TBC1D2B: variants seen among roughly 807,000 people sequenced by gnomAD.
The protein encoded by TBC1D2B is TBC1 domain family member 2B.
A neutral mutation model predicts 100.8 loss-of-function variants in TBC1D2B; 64 were observed. The observed-to-expected ratio is 0.64, with a 90% confidence interval of 0.52 to 0.78. The LOEUF (loss-of-function observed/expected upper bound fraction) is 0.78. TBC1D2B is among the 30% of genes least tolerant of loss of function. The pLI is 0.00. For missense variants in TBC1D2B, 1,052 were observed against 1,218.4 expected (o/e 0.86, Z 2.03); for synonymous variants, 480 against 479.7 (o/e 1.00, Z -0.01).
chr15:78,000,716 T>G (rs750419545), intron 12 of TBC1D2B, among the ~76,000 whole-genome samples: 32 of 152,208 alleles, frequency 2.1e-4, no homozygotes, highest in Non-Finnish European at 4.3e-4. Flanking sequence ...AGCCAACAGC[T>G]GCAGTCCAGG....
At chr15:78,068,041 T>C (rs2073686645) in intron 1 of TBC1D2B, among the ~76,000 whole-genome samples, 1 of 152,212 alleles carries the variant, frequency 6.6e-6, no homozygotes, top group South Asian at 2.1e-4. Flanking sequence ...ATTTTACATA[T>C]GGATGCCCCC....
Position 78,024,362 on chromosome 15 carries a change from G to T in TBC1D2B, c.1264C>A (p.Leu422Ile). Residue 422 changes from leucine (L) to isoleucine (I), a missense_variant, in exon 6 of 13, where the codon CTT becomes ATT. Leu to Ile is a conservative substitution (Grantham distance 5). Coordinates refer to ENST00000300584, the MANE Select transcript of TBC1D2B (RefSeq NM_144572.2). ...TTCAGCGTCCTTACTTCCTGCTGAA[G>T]ACTCTCCTTCTCCAAGCTGAACCTC... ...LERFSLEKESLQQEVRTLKSK... is the reference protein window; with the variant it reads ...LERFSLEKESIQQEVRTLKSK... 1 of 1,613,942 alleles carries T rather than the reference G, an allele frequency of 6.2e-7. No individual in the cohort carries two copies. Among genetic ancestry groups the T allele is most frequent in the East Asian group, 2.2e-5 (1 of 44,902 alleles).
At chr15:78,025,521 T>TTTATTA (rs201063233) in intron 4 of TBC1D2B, 24 bp from the exon 5 acceptor site, 14 of 1,440,174 alleles carry the variant, frequency 9.7e-6, no homozygotes, top group South Asian at 6.8e-5. Flanking sequence ...AAACTTGTAT[T>TTTATTA]TTATTATTAT....
intron 7 of TBC1D2B, among the ~76,000 whole-genome samples, chr15:78,017,557 C>A (rs1461630807): frequency 6.6e-6 from 1 of 152,092 alleles, no homozygotes; most frequent in Non-Finnish European, 1.5e-5. Flanking sequence ...ACCTTATGTT[C>A]TTTTTTTAAC....
chr15:78,013,142 ACAT>A lies in TBC1D2B; in HGVS notation c.1948_1950del (p.Met650del). On this transcript the variant is annotated inframe_deletion, in exon 9 of 13. Coordinates refer to ENST00000300584, the MANE Select transcript of TBC1D2B (RefSeq NM_144572.2). The stretch of plus-strand genomic sequence containing the variant: ...ATGAGGTTTTTTAACTCTGGAGAGC[ACAT>A]CATCTCCCTGTTCACTGTACTTGCA... 1 of 1,614,018 alleles carries A rather than the reference ACAT, an allele frequency of 6.2e-7. No homozygotes were observed. Among genetic ancestry groups the A allele is most frequent in the Non-Finnish European group, 8.5e-7 (1 of 1,179,890 alleles).
chr15:78,032,049 G>A lies in TBC1D2B; in HGVS notation c.684-1879C>T, dbSNP rs181449715. Among the ~76,000 whole-genome samples the A allele has an allele frequency of 8.9e-4, 135 of 152,338 alleles. 1 individual carries two copies. The Middle Eastern group carries it at 0.01, about 12-fold the overall frequency. On this transcript the variant is annotated intron_variant, in intron 3 of 12. Coordinates refer to ENST00000300584, the MANE Select transcript of TBC1D2B (RefSeq NM_144572.2). The stretch of plus-strand genomic sequence containing the variant: ...GCAGAGTACTAGAGAGAAGAGAGCT[G>A]CACAGAGGGAGTGTCACAGAGATCT...
chr15:78,011,439 C>A (rs916020345), intron 9 of TBC1D2B, among the ~76,000 whole-genome samples: 2 of 151,454 alleles, frequency 1.3e-5, no homozygotes, highest in Non-Finnish European at 2.9e-5. Context: ...GGTACACATG[C>A]AGAACTTTTT....
chr15:78,011,255 A>T (rs892803629), intron 9 of TBC1D2B, among the ~76,000 whole-genome samples: 2 of 152,064 alleles, frequency 1.3e-5, no homozygotes, highest in Admixed American at 1.3e-4. Context: ...ACCAAATAAC[A>T]TTCCAGCTTA....
intron 10 of TBC1D2B, among the ~76,000 whole-genome samples, chr15:78,007,542 G>A (rs150366169): frequency 2.0e-5 from 3 of 152,326 alleles, no homozygotes; most frequent in East Asian, 3.9e-4. Flanking sequence ...GCGGGAACAG[G>A]AGGCAATAAT....
At chr15:78,057,471 G>A (rs917725596) in intron 1 of TBC1D2B, among the ~76,000 whole-genome samples, 13 of 152,064 alleles carry the variant, frequency 8.5e-5, no homozygotes, top group Non-Finnish European at 1.5e-4. Context: ...GTGAAACCCC[G>A]TCTCTACTAA....
In TBC1D2B at chr15:78,013,013, T is replaced by C. The variant is rs781266509; in HGVS notation, c.2080A>G (p.Thr694Ala). The C allele has an allele frequency of 1.2e-5, 19 of 1,610,554 alleles. No homozygotes were observed. Among genetic ancestry groups the C allele is most frequent in the Non-Finnish European group, 1.5e-5 (18 of 1,177,046 alleles). ...KDNTEPGHFQ[T>A]LLQKALEKQN... is the part of the protein sequence containing the mutation. ...TTCTCCAGCGCCTTCTGCAGCAAGG[T>C]CTGGAAGTGGCCAGGCTCAGTGTTG... The change falls in exon 9 of 13, where the codon ACC (threonine) becomes GCC (alanine). Residue 694 changes from threonine to alanine, a missense_variant. Physicochemically the swap from Thr to Ala is moderately conservative, Grantham distance 58. Transcript: ENST00000300584.
intron 5 of TBC1D2B, 78 bp from the exon 6 acceptor site, chr15:78,024,617 T>C (rs2072610808): frequency 9.1e-6 from 12 of 1,316,698 alleles, no homozygotes; most frequent in African/African-American, 2.9e-5. Context: ...TGACATTACA[T>C]GGAGTAATCG....
At chr15:78,012,773 C>G (rs367684238) in intron 9 of TBC1D2B, 50 bp downstream of exon 9, 2 of 1,402,670 alleles carry the variant, frequency 1.4e-6, no homozygotes, top group African/African-American at 2.9e-5. Context: ...AGCACCGGTG[C>G]CTACAAGTTG....
At chr15:78,028,530 G>A (rs1449521317) in intron 4 of TBC1D2B, among the ~76,000 whole-genome samples, 1 of 152,192 alleles carries the variant, frequency 6.6e-6, no homozygotes, top group African/African-American at 2.4e-5. Flanking sequence ...CAGGCAAAAA[G>A]GCTGATGGAG....
At chr15:78,071,171 T>C (rs931831507) in intron 1 of TBC1D2B, among the ~76,000 whole-genome samples, 5 of 152,080 alleles carry the variant, frequency 3.3e-5, no homozygotes, top group East Asian at 3.9e-4. Context: ...TCTCACTTTG[T>C]TGCCTAGGCT....
intron 1 of TBC1D2B, among the ~76,000 whole-genome samples, chr15:78,077,088 G>C (rs1160972607): frequency 6.6e-6 from 1 of 152,236 alleles, no homozygotes; most frequent in African/African-American, 2.4e-5. Context: ...GACGGGGCTT[G>C]GTAGCCCCAG....
At chr15:78,020,096 T>C (rs1469279129) in intron 6 of TBC1D2B, among the ~76,000 whole-genome samples, 2 of 152,168 alleles carry the variant, frequency 1.3e-5, no homozygotes, top group Non-Finnish European at 2.9e-5. Flanking sequence ...TTGCCCAGGC[T>C]GGTCTCAAAC....
chr15:78,009,227 C>A (rs1365029656), intron 9 of TBC1D2B, 113 bp from the exon 10 acceptor site: 2 of 692,118 alleles, frequency 2.9e-6, no homozygotes, highest in Non-Finnish European at 5.0e-6. Flanking sequence ...AAAATTATTT[C>A]TAGTTCTCCA....
chr15:78,071,690 T>C (rs2073745028), intron 1 of TBC1D2B, among the ~76,000 whole-genome samples: 1 of 152,222 alleles, frequency 6.6e-6, no homozygotes, highest in Non-Finnish European at 1.5e-5. Flanking sequence ...CACCTGTATA[T>C]TTGGGAGTTC....
Sources: allele counts gnomAD v4.1 joint callset (sites outside exome capture counted in the v4.1 genomes callset), GRCh38; gene constraint gnomAD v4.1.1; transcripts MANE v1.5; gene names NCBI Gene and HGNC (gene_info 2026-07-23, HGNC 2026-07-21).